Variants in VPS41 observed in about 807,000 individuals in gnomAD.
The protein encoded by VPS41 is VPS41 subunit of HOPS complex.
VPS41 carries 85 observed loss-of-function variants against 130.9 expected under a neutral mutation model. That is an observed-to-expected ratio of 0.65 (90% CI 0.55 to 0.78). The LOEUF (loss-of-function observed/expected upper bound fraction) is 0.78, where lower values mean the gene tolerates loss of function less well. Among genes scored for constraint, VPS41 ranks in the 30% least tolerant of loss-of-function variants. The probability of loss-of-function intolerance (pLI) is 0.00; values close to 1 mark genes in which losing one functional copy is unlikely to be tolerated. For missense variants in VPS41, 874 were observed against 1,018.7 expected (o/e 0.86, Z 1.93); for synonymous variants, 335 against 332.9 (o/e 1.01, Z -0.07).
chr7:38,794,873 A>T (rs1002249936), intron 9 of VPS41, among the ~76,000 whole-genome samples: 6 of 152,250 alleles, frequency 3.9e-5, no homozygotes, highest in African/African-American at 1.2e-4. Context: ...TAGTAGGCAT[A>T]AAATAAATGT....
chr7:38,851,879 A>G (rs1301418866), intron 4 of VPS41, among the ~76,000 whole-genome samples: 1 of 152,202 alleles, frequency 6.6e-6, no homozygotes, highest in Non-Finnish European at 1.5e-5. Context: ...GCATTATTCC[A>G]TTTTAATTAG....
chr7:38,856,912 G>A (rs1227862936), intron 4 of VPS41, among the ~76,000 whole-genome samples: 2 of 152,202 alleles, frequency 1.3e-5, no homozygotes, highest in Non-Finnish European at 2.9e-5. Context: ...AAAATTACTA[G>A]AGAGGGAAGA....
chr7:38,734,046 A>G (rs1795718801), intron 25 of VPS41, among the ~76,000 whole-genome samples: 2 of 152,164 alleles, frequency 1.3e-5, no homozygotes, highest in South Asian at 4.1e-4. Flanking sequence ...TGACTGCACC[A>G]CTGCCATGCT....
rs142286602 is a variant in VPS41, at chr7:38,752,987, T to C, written c.1789-674A>G. Among the ~76,000 whole-genome samples the C allele has an allele frequency of 1.8e-4, 27 of 152,320 alleles. No individual in the cohort carries two copies. The East Asian group carries it at 5.0e-3, about 28-fold the overall frequency. On this transcript the variant is annotated intron_variant, in intron 21 of 28. Coordinates refer to ENST00000310301, the MANE Select transcript of VPS41 (RefSeq NM_014396.4). Reference sequence around the variant, plus strand: ...GTTCTGAAACAGTTTTCAAAACTGATTCCTTACCTTAGCTGTCTGAAAAAA... The same window carrying C: ...GTTCTGAAACAGTTTTCAAAACTGACTCCTTACCTTAGCTGTCTGAAAAAA...
chr7:38,732,780 C>G (rs1325313847), intron 25 of VPS41, among the ~76,000 whole-genome samples: 1 of 152,170 alleles, frequency 6.6e-6, no homozygotes, highest in African/African-American at 2.4e-5. Flanking sequence ...ATTCAATTAT[C>G]TGGAAAAGTA....
chr7:38,745,504 T>A (rs1452648933), intron 23 of VPS41, 55 bp downstream of exon 23: 1 of 1,394,648 alleles, frequency 7.2e-7, no homozygotes, highest in African/African-American at 1.4e-5. Context: ...ATTTACTTCA[T>A]GTTGTCATCC....
chr7:38,833,690 T>A (rs1785436431), intron 4 of VPS41, among the ~76,000 whole-genome samples: 3 of 152,228 alleles, frequency 2.0e-5, no homozygotes, highest in African/African-American at 7.2e-5. Context: ...TCTTAGTGTA[T>A]CTTTTACTTA....
chr7:38,847,978 C>G (rs1003007527), intron 4 of VPS41, among the ~76,000 whole-genome samples: 1 of 152,046 alleles, frequency 6.6e-6, no homozygotes, highest in Non-Finnish European at 1.5e-5. Context: ...AGAGAAAATG[C>G]CTAATTTATT....
chr7:38,766,230 G>C (rs1260364007), intron 15 of VPS41, among the ~76,000 whole-genome samples: 3 of 152,200 alleles, frequency 2.0e-5, no homozygotes, highest in Non-Finnish European at 4.4e-5. Context: ...TTCCAGGACT[G>C]CCATGCAGTC....
At chr7:38,803,137 A>G (rs1390469694) in intron 7 of VPS41, among the ~76,000 whole-genome samples, 1 of 152,142 alleles carries the variant, frequency 6.6e-6, no homozygotes, top group African/African-American at 2.4e-5. Flanking sequence ...TTCCTACTCT[A>G]CAGAGTGGTA....
intron 17 of VPS41, among the ~76,000 whole-genome samples, chr7:38,759,362 G>T (rs1427694100): frequency 2.0e-5 from 3 of 152,186 alleles, no homozygotes; most frequent in Non-Finnish European, 4.4e-5. Flanking sequence ...TGTTGTGAGA[G>T]TATAGCATGA....
intron 27 of VPS41, among the ~76,000 whole-genome samples, chr7:38,728,129 A>G (rs949736556): frequency 2.6e-5 from 4 of 152,218 alleles, no homozygotes; most frequent in Non-Finnish European, 5.9e-5. Flanking sequence ...TGAAATTTAA[A>G]TGCTGATGGT....
At chr7:38,771,320 G>GAGAA (rs1784150349) in intron 13 of VPS41, 66 bp from the exon 14 acceptor site, 2 of 1,108,976 alleles carry the variant, frequency 1.8e-6, no homozygotes, top group Admixed American at 2.0e-5. Context: ...GGGAAAATGG[G>GAGAA]AGAAGGTGGG....
intron 2 of VPS41, among the ~76,000 whole-genome samples, chr7:38,883,403 A>G (rs1468689033): frequency 6.6e-6 from 1 of 152,154 alleles, no homozygotes. Context: ...CTCTGGGCAC[A>G]GTGTTTGCTC....
chr7:38,831,204 A>C (rs1372843559), intron 4 of VPS41: 1 of 471,072 alleles, frequency 2.1e-6, no homozygotes, highest in South Asian at 1.5e-5. Flanking sequence ...GGCAAATATA[A>C]ACTGCACCTA....
rs186826189 is a variant in VPS41, at chr7:38,885,790, T to A, written c.60+12301A>T. On this transcript the variant is annotated intron_variant, in intron 2 of 28. Coordinates refer to ENST00000310301, the MANE Select transcript of VPS41 (RefSeq NM_014396.4). ...AGAAAAATGTTTCAACAAGTAACTA[T>A]AAATTCTCTTGAAGCAAGTGAAACA... 3.3e-5 allele frequency among the ~76,000 whole-genome samples: 5 copies of A among 152,312 alleles called. No individual in the cohort carries two copies. The East Asian group carries it at 9.7e-4, about 29-fold the overall frequency.
intron 2 of VPS41, among the ~76,000 whole-genome samples, chr7:38,882,402 T>G (rs542575753): frequency 2.7e-4 from 41 of 152,304 alleles, no homozygotes; most frequent in Admixed American, 4.6e-4. Flanking sequence ...GTAGCACCCC[T>G]CAGGGTCCAG....
chr7:38,888,634 A>G (rs540116644), intron 2 of VPS41, among the ~76,000 whole-genome samples: 1 of 152,286 alleles, frequency 6.6e-6, no homozygotes, highest in East Asian at 1.9e-4. Context: ...GAAAATTAAC[A>G]AGGATATCCA....
chr7:38,766,196 C>T (rs1338325254), intron 15 of VPS41, among the ~76,000 whole-genome samples: 3 of 152,174 alleles, frequency 2.0e-5, no homozygotes, highest in Admixed American at 6.5e-5. Context: ...CCTCAGGAGA[C>T]GAGAAGCAGG....
Sources: gnomAD v4.1 joint callset for allele counts (sites outside exome capture counted in the v4.1 genomes callset) on GRCh38, gnomAD v4.1.1 for gene constraint, MANE v1.5 for transcripts, NCBI Gene and HGNC (gene_info 2026-07-23, HGNC 2026-07-21) for gene names.